Variants in IL10 observed in about 807,000 individuals in gnomAD.
IL10 encodes interleukin-10.
A neutral mutation model predicts 21.0 loss-of-function variants in IL10; 7 were observed. The observed-to-expected ratio is 0.33, with a 90% CI of 0.19 to 0.63. The LOEUF (loss-of-function observed/expected upper bound fraction) is 0.63, where lower values mean the gene tolerates loss of function less well. Ranked by LOEUF, IL10 falls within the 20% of genes least tolerant of loss-of-function variation. The pLI is 0.77. For synonymous variants in IL10, 83 were observed against 79.7 expected (o/e 1.04, Z -0.22); for missense variants, 161 against 213.0 (o/e 0.76, Z 1.52).
chr1:206,768,141 A>G lies in IL10; in HGVS notation c.*495T>C. The G allele has an allele frequency of 4.5e-6, 1 of 222,304 alleles. No individual in the cohort carries two copies. The highest frequency in any genetic ancestry group is 9.0e-6 in the Non-Finnish European group (1 of 111,300). 13.8% of individuals were successfully genotyped at this position (222,304 alleles called of 1,614,324 possible). A position where few individuals can be genotyped will look rare whatever the true frequency, so the allele number is the denominator to read the frequency against. ...CTCCGAGACACTGGAAGGTGAATTA[A>G]TCATCAAAGGGGCTCCCTGGTTTCT... On this transcript the variant is annotated 3_prime_UTR_variant, in exon 5 of 5. Transcript: ENST00000423557.
chr1:206,768,814 GA>G, intron 4 of IL10, 86 bp from the exon 5 acceptor site: 2 of 803,356 alleles, frequency 2.5e-6, no homozygotes, highest in Non-Finnish European at 4.4e-6. Flanking sequence ...GGATGGGCAT[GA>G]CCTTGAGTGC....
chr1:206,768,459 A>G lies in IL10; in HGVS notation c.*177T>C. ...GGGCTTCTTTCTAAATCGTTCACAG[A>G]GAAGCTCAGTAAATAAATAGAAATG... On this transcript the variant is annotated 3_prime_UTR_variant, in exon 5 of 5. Transcript: ENST00000423557. The G allele has an allele frequency of 1.7e-6, 1 of 603,852 alleles. No individual in the cohort carries two copies. Among genetic ancestry groups the G allele is most frequent in the Non-Finnish European group, 2.9e-6 (1 of 340,116 alleles). The allele number at this position is 603,852 out of a possible 1,614,324, so 37.4% of individuals were successfully genotyped here.
rs575113742 is a variant in IL10 at position 206,768,189 on chromosome 1, G to A, written c.*447C>T. On this transcript the variant is annotated 3_prime_UTR_variant, in exon 5 of 5. Coordinates refer to ENST00000423557, the MANE Select transcript of IL10 (RefSeq NM_000572.3). ...TCTCTTCCTAAGAGTATTTGTAGCA[G>A]TTAGGAAGCCCCAAGCCCAGAGACA... 18 of 246,868 alleles carry A rather than the reference G, an allele frequency of 7.3e-5. No homozygotes were observed. Among genetic ancestry groups the A allele is most frequent in the African/African-American group, 4.0e-4 (18 of 44,880 alleles). 15.3% of individuals were successfully genotyped at this position (246,868 alleles called of 1,614,324 possible).
intron 2 of IL10, 121 bp from the exon 3 acceptor site, chr1:206,771,180 C>G: frequency 8.0e-7 from 1 of 1,254,834 alleles, no homozygotes; most frequent in Admixed American, 1.7e-5. Context: ...GAAGCCTCCC[C>G]GAAGGGACTG....
rs1264613350 is a variant in IL10 at position 206,767,783 on chromosome 1, A to C, written c.*853T>G. The C allele has an allele frequency of 1.3e-5, 2 of 152,408 alleles. No individual in the cohort carries two copies. Among genetic ancestry groups the C allele is most frequent in the African/African-American group, 4.8e-5 (2 of 41,420 alleles). The allele number at this position is 152,408 out of a possible 1,614,324, so 9.4% of individuals were successfully genotyped here. A position where few individuals can be genotyped will look rare whatever the true frequency, so the allele number is the denominator to read the frequency against. On this transcript the variant is annotated 3_prime_UTR_variant, in exon 5 of 5. Coordinates refer to ENST00000423557, the MANE Select transcript of IL10 (RefSeq NM_000572.3). Reference sequence around the variant, plus strand: ...CTTGCTCTGTCACCCAGGCTGGAGTACAGGGGCATGATATCAGCTCACTGC... The same window carrying C: ...CTTGCTCTGTCACCCAGGCTGGAGTCCAGGGGCATGATATCAGCTCACTGC...
In IL10 at chr1:206,768,588, G is replaced by T; in HGVS notation, c.*48C>A. 2 of 1,091,438 alleles carry T rather than the reference G, an allele frequency of 1.8e-6. No individual in the cohort carries two copies. The highest frequency in any genetic ancestry group is 2.5e-5 in the South Asian group (2 of 79,574). 67.6% of individuals were successfully genotyped at this position (1,091,438 alleles called of 1,614,324 possible). A position where few individuals can be genotyped will look rare whatever the true frequency, so the allele number is the denominator to read the frequency against. Reference sequence around the variant, plus strand: ...CCAGAGCCCCAGATCCGATTTTGGAGACCTCTAATTTATGTCCTAGAGTCT... The same window carrying T: ...CCAGAGCCCCAGATCCGATTTTGGATACCTCTAATTTATGTCCTAGAGTCT... On this transcript the variant is annotated 3_prime_UTR_variant, in exon 5 of 5. Coordinates refer to ENST00000423557, the MANE Select transcript of IL10 (RefSeq NM_000572.3).
intron 2 of IL10, 30 bp from the exon 3 acceptor site, chr1:206,771,089 G>A: frequency 1.9e-6 from 3 of 1,613,444 alleles, no homozygotes; most frequent in Non-Finnish European, 2.5e-6. Flanking sequence ...GTGAGTGAGA[G>A]ATTGGCGGAG....
intron 3 of IL10, 124 bp downstream of exon 3, chr1:206,770,783 C>A: frequency 1.0e-6 from 1 of 981,978 alleles, no homozygotes; most frequent in South Asian, 1.3e-5. Flanking sequence ...AGTCTTTCCT[C>A]ATTTACAGCT....
chr1:206,768,454 C>T lies in IL10; in HGVS notation c.*182G>A. ...ATATTGGGCTTCTTTCTAAATCGTT[C>T]ACAGAGAAGCTCAGTAAATAAATAG... is the stretch of plus-strand genomic sequence containing the variant. On this transcript the variant is annotated 3_prime_UTR_variant, in exon 5 of 5. Coordinates refer to ENST00000423557, the MANE Select transcript of IL10 (RefSeq NM_000572.3). 3 of 591,830 alleles carry T rather than the reference C, an allele frequency of 5.1e-6. No individual in the cohort carries two copies. In the East Asian group the frequency reaches 8.5e-5, roughly 17 times the overall value. 36.7% of individuals were successfully genotyped at this position (591,830 alleles called of 1,614,324 possible). A position where few individuals can be genotyped will look rare whatever the true frequency, so the allele number is the denominator to read the frequency against.
chr1:206,768,635 C>T lies in IL10; in HGVS notation c.*1G>A, dbSNP rs1260180423. ...GTCTATAGAGTCGCCACCCTGATGT[C>T]TCAGTTTCGTATCTTCATTGTCATG... On this transcript the variant is annotated 3_prime_UTR_variant, in exon 5 of 5. Coordinates refer to ENST00000423557, the MANE Select transcript of IL10 (RefSeq NM_000572.3). 2.3e-5 allele frequency: 36 copies of T among 1,568,560 alleles called. No individual in the cohort carries two copies. The highest frequency in any genetic ancestry group is 3.0e-5 in the Non-Finnish European group (34 of 1,138,720).
In IL10 at chr1:206,772,446, G is replaced by A. The variant is rs1416079104; in HGVS notation, c.-11C>T. On this transcript the variant is annotated 5_prime_UTR_variant, in exon 1 of 5. Coordinates refer to ENST00000423557, the MANE Select transcript of IL10 (RefSeq NM_000572.3). The stretch of plus-strand genomic sequence containing the variant: ...TGCTGAGCTGTGCATGCCTTCTTTT[G>A]CAAGTCTGTCTTGTGGTTTGGTTTT... 15 of 1,613,656 alleles carry A rather than the reference G, an allele frequency of 9.3e-6. No homozygotes were observed. The highest frequency in any genetic ancestry group is 1.3e-5 in the Non-Finnish European group (15 of 1,180,000).
intron 2 of IL10, 121 bp from the exon 3 acceptor site, chr1:206,771,180 C>A: frequency 8.0e-7 from 1 of 1,254,834 alleles, no homozygotes; most frequent in Non-Finnish European, 1.2e-6. Flanking sequence ...GAAGCCTCCC[C>A]GAAGGGACTG....
chr1:206,771,919 A>T (rs749593968), intron 1 of IL10, among the ~76,000 whole-genome samples: 83 of 152,156 alleles, frequency 5.5e-4, no homozygotes, highest in Non-Finnish European at 4.6e-4. Context: ...GGCAATTTAA[A>T]TTTCCCTGCT....
chr1:206,769,697 T>A (rs979803824), intron 4 of IL10, 132 bp downstream of exon 4: 1 of 758,108 alleles, frequency 1.3e-6, no homozygotes. Context: ...GGTCATACCA[T>A]CTGTCAGGTT....
chr1:206,768,377 A>G lies in IL10; in HGVS notation c.*259T>C, dbSNP rs1322198472. On this transcript the variant is annotated 3_prime_UTR_variant, in exon 5 of 5. Transcript: ENST00000423557. Reference sequence around the variant, plus strand: ...CTCAAATACCATAGTGTGTCACCCTATGGAAACAGCTTAAAAACAGGTGAA... The same window carrying G: ...CTCAAATACCATAGTGTGTCACCCTGTGGAAACAGCTTAAAAACAGGTGAA... 3 of 450,870 alleles carry G rather than the reference A, an allele frequency of 6.7e-6. No homozygotes were observed. In the East Asian group the frequency reaches 1.1e-4, roughly 17 times the overall value. 27.9% of individuals were successfully genotyped at this position (450,870 alleles called of 1,614,324 possible). A position where few individuals can be genotyped will look rare whatever the true frequency, so the allele number is the denominator to read the frequency against.
At position 206,771,401 on chromosome 1, in the gene IL10, C is replaced by G; in HGVS notation, c.180G>C (p.Gln60His). ...RVKTFFQMKD[Q>H]LDNLLLKESL... Reference sequence around the variant, plus strand: ...ACTCCTTTAACAACAAGTTGTCCAGCTGATCCTTCATTTGCTGCAGGAAGA... The same window carrying G: ...ACTCCTTTAACAACAAGTTGTCCAGGTGATCCTTCATTTGCTGCAGGAAGA... Residue 60 changes from glutamine to histidine, a missense_variant, in exon 2 of 5, where the codon CAG (glutamine) becomes CAC (histidine). By Grantham distance (24) the Gln-to-His change is conservative (BLOSUM62 0). Coordinates refer to ENST00000423557, the MANE Select transcript of IL10 (RefSeq NM_000572.3). The G allele has an allele frequency of 6.2e-7, 1 of 1,611,650 alleles. No individual in the cohort carries two copies. Among genetic ancestry groups the G allele is most frequent in the Non-Finnish European group, 8.5e-7 (1 of 1,178,860 alleles).
chr1:206,771,390 A>C lies in IL10; in HGVS notation c.191T>G (p.Leu64Trp), dbSNP rs756548976. 6.2e-7 allele frequency: 1 copy of C among 1,613,140 alleles called. No individual in the cohort carries two copies. Among genetic ancestry groups the C allele is most frequent in the Non-Finnish European group, 8.5e-7 (1 of 1,179,612 alleles). Residue 64 changes from leucine (L) to tryptophan (W), a missense_variant, in exon 2 of 5, where the codon TTG becomes TGG. Coordinates refer to ENST00000423557, the MANE Select transcript of IL10 (RefSeq NM_000572.3). ...CTCCAGCAAGGACTCCTTTAACAAC[A>C]AGTTGTCCAGCTGATCCTTCATTTG... ...FFQMKDQLDNLLLKESLLEDF... is the reference protein window; with the variant it reads ...FFQMKDQLDNWLLKESLLEDF...
At chr1:206,771,930 G>T (rs45499395) in intron 1 of IL10, among the ~76,000 whole-genome samples, 3 of 152,196 alleles carry the variant, frequency 2.0e-5, no homozygotes, top group African/African-American at 7.2e-5. Context: ...TTTCCCTGCT[G>T]CAAGGCATGG....
At chr1:206,771,966 A>T (rs3024490) in intron 1 of IL10, among the ~76,000 whole-genome samples, 13 of 152,072 alleles carry the variant, frequency 8.5e-5, no homozygotes, top group Non-Finnish European at 1.5e-4. Context: ...CGAATCAGAC[A>T]TTTCTTTACT....
Sources: allele counts gnomAD v4.1 joint callset (sites outside exome capture counted in the v4.1 genomes callset), GRCh38; gene constraint gnomAD v4.1.1; transcripts MANE v1.5; gene names NCBI Gene and HGNC (gene_info 2026-07-23, HGNC 2026-07-21).